MED16: variants seen among roughly 807,000 people sequenced by gnomAD.
The protein encoded by MED16 is mediator of RNA polymerase II transcription subunit 16.
In MED16, 81 loss-of-function variants were observed where a neutral mutation model predicts 84.4. That is an observed-to-expected ratio of 0.96 (90% CI 0.80 to 1.15). MED16 has a LOEUF of 1.15. Among genes scored for constraint, MED16 ranks in the 50% most tolerant of loss-of-function variants. The pLI, the probability that MED16 is intolerant of heterozygous loss-of-function variation, is 0.00. For missense variants in MED16, 1,585 were observed against 1,245.9 expected, an observed-to-expected ratio of 1.27 and a Z score of -4.10; for synonymous variants, 897 against 552.2, an observed-to-expected ratio of 1.62 and a Z score of -8.76.
chr19:872,445 C>A (rs1382658383), intron 11 of MED16, among the ~76,000 whole-genome samples: 3 of 152,022 alleles, frequency 2.0e-5, no homozygotes. Flanking sequence ...CGGGCCCGGG[C>A]CCCTGGTGAC....
intron 5 of MED16, 75 bp from the exon 6 acceptor site, chr19:885,083 G>C (rs540947781): frequency 1.7e-6 from 2 of 1,155,284 alleles, no homozygotes; most frequent in Non-Finnish European, 1.2e-6. Context: ...CCTGAGCTGC[G>C]GGACCCTGGG....
In MED16 at chr19:881,550, C is replaced by T. The variant is rs752013583; in HGVS notation, c.1141+9G>A. ...AGGCCCCGCGTGGCTGCCGCTGGCTCCACCGTACCGAGGCCAGGGTAGAAC... is the reference window on the plus strand; with the variant it reads ...AGGCCCCGCGTGGCTGCCGCTGGCTTCACCGTACCGAGGCCAGGGTAGAAC... On this transcript the variant is annotated intron_variant, in intron 7 of 15. Transcript: ENST00000325464. 3.1e-6 allele frequency: 5 copies of T among 1,605,244 alleles called. No homozygotes were observed. The highest frequency in any genetic ancestry group is 1.3e-5 in the African/African-American group (1 of 74,798).
chr19:886,212 G>A lies in MED16; in HGVS notation c.448-11C>T, dbSNP rs747043861. 5 of 1,488,352 alleles carry A rather than the reference G, an allele frequency of 3.4e-6. No individual in the cohort carries two copies. The highest frequency in any genetic ancestry group is 4.5e-5 in the Admixed American group (2 of 44,072). 92.2% of individuals were successfully genotyped at this position (1,488,352 alleles called of 1,614,324 possible). A position where few individuals can be genotyped will look rare whatever the true frequency, so the allele number is the denominator to read the frequency against. On this transcript the variant is annotated splice_polypyrimidine_tract_variant and intron_variant, in intron 4 of 15. Transcript: ENST00000325464. ...GCTGGAGGCGCCCGACTGTGGAGAA[G>A]GGAGGGAGGGAGGAGGGGCCGCTCA...
At chr19:885,087 C>T (rs1248621028) in intron 5 of MED16, 79 bp from the exon 6 acceptor site, 2 of 1,127,220 alleles carry the variant, frequency 1.8e-6, no homozygotes, top group Non-Finnish European at 2.6e-6. Context: ...AGCTGCGGGA[C>T]CCTGGGGCCA....
intron 11 of MED16, among the ~76,000 whole-genome samples, chr19:872,655 G>C (rs913659085): frequency 3.0e-4 from 46 of 151,968 alleles, no homozygotes; most frequent in Admixed American, 2.3e-3. Context: ...GTACCGGCGG[G>C]GGGGTGGGGG....
Position 886,187 on chromosome 19 carries a change from G to C in MED16, c.462C>G (p.Ser154Arg). Residue 154 changes from serine (S) to arginine (R), a missense_variant, in exon 5 of 16, where the codon AGC becomes AGG. Ser to Arg is a moderately radical substitution (Grantham distance 110, BLOSUM62 -1). Transcript: ENST00000325464. The stretch of plus-strand genomic sequence containing the variant: ...TGACTCGGGAGAACTTCTCCCCGAA[G>C]CTGGAGGCGCCCGACTGTGGAGAAG... Reference protein sequence around the residue: ...ALHVEKSGASSFGEKFSRVKF... With the variant: ...ALHVEKSGASRFGEKFSRVKF... 6.6e-7 allele frequency: 1 copy of C among 1,514,518 alleles called. No homozygotes were observed. The allele number at this position is 1,514,518 out of a possible 1,614,324, so 93.8% of individuals were successfully genotyped here. A position where few individuals can be genotyped will look rare whatever the true frequency, so the allele number is the denominator to read the frequency against.
intron 15 of MED16, 34 bp downstream of exon 15, chr19:868,382 G>C: frequency 6.2e-7 from 1 of 1,605,156 alleles, no homozygotes; most frequent in Non-Finnish European, 8.5e-7. Flanking sequence ...CTCAGGGGTA[G>C]CTGAGGGGCA....
intron 15 of MED16, 37 bp from the exon 16 acceptor site, chr19:868,288 G>T: frequency 6.3e-7 from 1 of 1,588,748 alleles, no homozygotes. Context: ...GCCGAGGAGA[G>T]TCCAGGGCGA....
At chr19:869,162 G>C (rs1329827203) in intron 13 of MED16, among the ~76,000 whole-genome samples, 6 of 152,064 alleles carry the variant, frequency 3.9e-5, no homozygotes, top group Non-Finnish European at 7.4e-5. Flanking sequence ...AGGAGGGTTG[G>C]TCTCCCAGGT....
Position 868,142 on chromosome 19 carries a change from G to T in MED16, c.2593C>A (p.Pro865Thr), listed in dbSNP as rs763360343. 6.2e-7 allele frequency: 1 copy of T among 1,611,836 alleles called. No homozygotes were observed. Among genetic ancestry groups the T allele is most frequent in the South Asian group, 1.1e-5 (1 of 90,980 alleles). ...GGATGCAGATGGTCCAGGGATCTGG[G>T]GGTCCTGGGAGAGTGGTGTGTGGAC... ...PQSTHHSPRT[P>T]RSLDHLHPED... is the part of the protein sequence containing the mutation. Residue 865 changes from proline (P) to threonine (T), a missense_variant, in exon 16 of 16, where the codon CCC (proline) becomes ACC (threonine). Physicochemically the swap from Pro to Thr is conservative, Grantham distance 38. Transcript: ENST00000325464.
intron 6 of MED16, among the ~76,000 whole-genome samples, chr19:882,791 A>C (rs1449796681): frequency 1.3e-5 from 2 of 152,290 alleles, no homozygotes; most frequent in East Asian, 3.9e-4. Flanking sequence ...GCTGACTACC[A>C]CGCAGCTGCT....
chr19:882,143 C>G (rs950386034), intron 6 of MED16, among the ~76,000 whole-genome samples: 1 of 152,274 alleles, frequency 6.6e-6, no homozygotes, highest in East Asian at 1.9e-4. Flanking sequence ...CGCTGCCTGA[C>G]AGCCCCTGCG....
rs2036677971 is a variant in MED16 at position 893,186 on chromosome 19, C to T, written c.-119G>A. ...ATCTTCCTCGGTAACAACCAGTCGC[C>T]TGAGGCGTGGGGCCGCCTCCCAAAG... is the stretch of plus-strand genomic sequence containing the variant. On this transcript the variant is annotated 5_prime_UTR_variant, in exon 1 of 16. Coordinates refer to ENST00000325464, the MANE Select transcript of MED16 (RefSeq NM_005481.3). 1.3e-5 allele frequency: 2 copies of T among 152,274 alleles called. No individual in the cohort carries two copies. Among genetic ancestry groups the T allele is most frequent in the Non-Finnish European group, 2.9e-5 (2 of 68,052 alleles). 9.4% of individuals were successfully genotyped at this position (152,274 alleles called of 1,614,324 possible).
chr19:883,724 C>T lies in MED16; in HGVS notation c.985+1179G>A, dbSNP rs78140937. On this transcript the variant is annotated intron_variant, in intron 6 of 15. Transcript: ENST00000325464. ...GGCAGATGGTAGACACAGACGTGCCCAGCGGGGGCACCGGGCAGTGAAGGT... is the reference window on the plus strand; with the variant it reads ...GGCAGATGGTAGACACAGACGTGCCTAGCGGGGGCACCGGGCAGTGAAGGT... 4.1e-3 allele frequency among the ~76,000 whole-genome samples: 626 copies of T among 152,210 alleles called. 5 individuals carry two copies. The highest frequency in any genetic ancestry group is 0.015 in the African/African-American group (608 of 41,522).
In MED16 at chr19:880,006, G is replaced by T. The variant is rs531358282; in HGVS notation, c.1284C>A (p.Ala428=). Residue 428 remains alanine, a synonymous_variant, in exon 8 of 16, where the codon GCC becomes GCA. Coordinates refer to ENST00000325464, the MANE Select transcript of MED16 (RefSeq NM_005481.3). The part of the protein sequence containing the change: ...AMKRPRTAGP[A]VHLKAMQLSW... ...ATAGCTGCATAGCCTTTAAGTGGAC[G>T]GCGGGGCCCGCGGTGCGGGGGCGCT... 8 of 1,609,978 alleles carry T rather than the reference G, an allele frequency of 5.0e-6. No individual in the cohort carries two copies. Among genetic ancestry groups the T allele is most frequent in the Non-Finnish European group, 6.8e-6 (8 of 1,178,700 alleles).
At chr19:888,039 C>G (rs1399754135) in intron 4 of MED16, among the ~76,000 whole-genome samples, 1 of 151,582 alleles carries the variant, frequency 6.6e-6, no homozygotes, top group East Asian at 1.9e-4. Flanking sequence ...CCGGTCCCTA[C>G]TAAAAATACA....
At chr19:872,368 C>G (rs562998150) in intron 11 of MED16, among the ~76,000 whole-genome samples, 14 of 152,118 alleles carry the variant, frequency 9.2e-5, no homozygotes, top group African/African-American at 1.9e-4. Context: ...AAGACTAAGA[C>G]GAGGCTCTGG....
chr19:888,814 C>T (rs995308463), intron 4 of MED16, among the ~76,000 whole-genome samples: 5 of 152,164 alleles, frequency 3.3e-5, no homozygotes, highest in African/African-American at 7.2e-5. Flanking sequence ...GAGGGACTCA[C>T]GAAGGGACGA....
At chr19:872,349 A>G (rs2036097032) in intron 11 of MED16, among the ~76,000 whole-genome samples, 1 of 151,990 alleles carries the variant, frequency 6.6e-6, no homozygotes, top group Non-Finnish European at 1.5e-5. Context: ...CCCATCCCTG[A>G]GAGTCCACAA....
Sources: allele counts gnomAD v4.1 joint callset (sites outside exome capture counted in the v4.1 genomes callset), GRCh38; gene constraint gnomAD v4.1.1; transcripts MANE v1.5; gene names NCBI Gene and HGNC (gene_info 2026-07-23, HGNC 2026-07-21).